Variants in ASTN2 observed in about 807,000 individuals in gnomAD.
ASTN2 encodes astrotactin-2.
ASTN2 carries 54 observed loss-of-function variants against 139.8 expected under a neutral mutation model. The observed-to-expected ratio is 0.39, with a 90% CI of 0.31 to 0.48. The LOEUF (loss-of-function observed/expected upper bound fraction) is 0.48, where lower values mean the gene tolerates loss of function less well. Among genes scored for constraint, ASTN2 ranks in the 20% least tolerant of loss-of-function variants. ASTN2 has a pLI of 0.95. For missense variants in ASTN2, 1,565 were observed against 1,725.1 expected (o/e 0.91, Z 1.64); for synonymous variants, 756 against 719.5 (o/e 1.05, Z -0.81).
At chr9:117,006,713 A>G (rs1275883765) in intron 7 of ASTN2, among the ~76,000 whole-genome samples, 2 of 152,128 alleles carry the variant, frequency 1.3e-5, no homozygotes, top group Non-Finnish European at 2.9e-5. Flanking sequence ...ATATTATAGT[A>G]TACAAGGCCC....
chr9:116,455,763 A>G lies in ASTN2; in HGVS notation c.3498-13210T>C, dbSNP rs146377617. Among the ~76,000 whole-genome samples the G allele has an allele frequency of 3.6e-4, 55 of 152,096 alleles. 2 individuals carry two copies. The East Asian group carries it at 9.8e-3, about 27-fold the overall frequency. ...AAAGTAAAAAAAAAATAGCATCCAGATAAGAAAAAAAAAAGTAATACAATC... is the reference window on the plus strand; with the variant it reads ...AAAGTAAAAAAAAAATAGCATCCAGGTAAGAAAAAAAAAAGTAATACAATC... On this transcript the variant is annotated intron_variant, in intron 20 of 22. Transcript: ENST00000313400.
intron 1 of ASTN2, among the ~76,000 whole-genome samples, chr9:117,412,823 T>C (rs1831205676): frequency 6.6e-6 from 1 of 151,892 alleles, no homozygotes; most frequent in African/African-American, 2.4e-5. Context: ...CACGGGGAGG[T>C]GGCAAGAGCC....
intron 16 of ASTN2, 136 bp from the exon 17 acceptor site, chr9:116,651,929 T>C: frequency 1.9e-6 from 2 of 1,073,694 alleles, no homozygotes; most frequent in Non-Finnish European, 2.6e-6. Flanking sequence ...GAGTGATTTA[T>C]TCATGATGCC....
chr9:117,000,600 G>T (rs1837167575), intron 7 of ASTN2, among the ~76,000 whole-genome samples: 3 of 152,286 alleles, frequency 2.0e-5, no homozygotes, highest in Admixed American at 2.0e-4. Context: ...TACTGGACCA[G>T]AGCAAGTAGT....
intron 13 of ASTN2, among the ~76,000 whole-genome samples, chr9:116,776,087 G>T (rs979587482): frequency 3.9e-5 from 6 of 152,150 alleles, no homozygotes; most frequent in African/African-American, 7.2e-5. Context: ...ACTAATCCTT[G>T]CATGGCTTGC....
At chr9:117,187,352 C>T (rs1831227149) in intron 3 of ASTN2, among the ~76,000 whole-genome samples, 1 of 151,912 alleles carries the variant, frequency 6.6e-6, no homozygotes, top group South Asian at 2.1e-4. Context: ...TGCAAAGGCC[C>T]TGAGATTGAT....
At position 117,045,553 on chromosome 9, in the gene ASTN2, G is replaced by C. The variant is rs550088647; in HGVS notation, c.1277-5588C>G. 2.0e-5 allele frequency among the ~76,000 whole-genome samples: 3 copies of C among 152,232 alleles called. No individual in the cohort carries two copies. In the South Asian group the frequency reaches 6.2e-4, roughly 32 times the overall value. On this transcript the variant is annotated intron_variant, in intron 5 of 22. Transcript: ENST00000313400. ...AGCAGAGAATGGCATAAAATGCATT[G>C]CTTAAGAAATTCGACCGGAAATAAC...
intron 7 of ASTN2, among the ~76,000 whole-genome samples, chr9:116,991,041 C>G (rs563918404): frequency 6.6e-6 from 1 of 152,110 alleles, no homozygotes; most frequent in Non-Finnish European, 1.5e-5. Context: ...CACATACTCC[C>G]ATTTTCTGGT....
At position 117,170,989 on chromosome 9, in the gene ASTN2, C is replaced by G. The variant is rs181193182; in HGVS notation, c.1016-29511G>C. Among the ~76,000 whole-genome samples the G allele has an allele frequency of 1.7e-3, 262 of 152,160 alleles. 4 individuals carry two copies. The highest frequency in any genetic ancestry group is 0.016 in the Admixed American group (243 of 15,278). ...CAGGGCAGCATGGTTCTAGGCTGGG[C>G]TCAAAGTTGCTGGGAACCGCATCAT... On this transcript the variant is annotated intron_variant, in intron 3 of 22. Coordinates refer to ENST00000313400, the MANE Select transcript of ASTN2 (RefSeq NM_001365068.1).
intron 2 of ASTN2, among the ~76,000 whole-genome samples, chr9:117,260,733 C>T (rs1470184246): frequency 6.6e-6 from 1 of 152,106 alleles, no homozygotes; most frequent in Admixed American, 6.6e-5. Context: ...GACCTGGAGC[C>T]ATCTATTTCT....
intron 3 of ASTN2, among the ~76,000 whole-genome samples, chr9:117,195,410 T>G (rs1235362399): frequency 6.6e-6 from 1 of 151,928 alleles, no homozygotes; most frequent in Non-Finnish European, 1.5e-5. Flanking sequence ...CAACTTTAAG[T>G]TGGGACTGTT....
In ASTN2 at chr9:116,539,382, AGG is replaced by A. The variant is rs140267314; in HGVS notation, c.3356-51884_3356-51883del. On this transcript the variant is annotated intron_variant, in intron 19 of 22. Coordinates refer to ENST00000313400, the MANE Select transcript of ASTN2 (RefSeq NM_001365068.1). Reference sequence around the variant, plus strand: ...AAGCTATTAAAAAAATCTATGAGGGAGGGAAAAAAAAAAGAAATGTAACATTA... The same window carrying A: ...AAGCTATTAAAAAAATCTATGAGGGAGAAAAAAAAAAGAAATGTAACATTA... Among the ~76,000 whole-genome samples the A allele has an allele frequency of 2.0e-5, 3 of 150,880 alleles. 1 individual carries two copies. Among genetic ancestry groups the A allele is most frequent in the African/African-American group, 7.3e-5 (3 of 40,932 alleles).
chr9:117,297,182 C>T (rs555870904), intron 1 of ASTN2, among the ~76,000 whole-genome samples: 1 of 152,352 alleles, frequency 6.6e-6, no homozygotes, highest in South Asian at 2.1e-4. Flanking sequence ...GCTGACCCTC[C>T]AGCAGATTAT....
chr9:116,908,934 C>T lies in ASTN2; in HGVS notation c.1890-45201G>A, dbSNP rs188830794. 3.9e-5 allele frequency among the ~76,000 whole-genome samples: 6 copies of T among 152,190 alleles called. No individual in the cohort carries two copies. The East Asian group carries it at 9.7e-4, about 25-fold the overall frequency. On this transcript the variant is annotated intron_variant, in intron 10 of 22. Transcript: ENST00000313400. ...GATGAGGAAATGGGAAAGGCAAAGG[C>T]CCTGAAGCAAAACTAAGCATGGAGT...
At chr9:116,705,626 A>G (rs779717793) in intron 16 of ASTN2, among the ~76,000 whole-genome samples, 1 of 152,228 alleles carries the variant, frequency 6.6e-6, no homozygotes, top group Non-Finnish European at 1.5e-5. Context: ...ACCCTTTATT[A>G]TTATTAGCAA....
intron 3 of ASTN2, among the ~76,000 whole-genome samples, chr9:117,194,547 ATGTGCAGGCTCACTG>A (rs1237823215): frequency 1.3e-5 from 2 of 152,202 alleles, no homozygotes; most frequent in African/African-American, 4.8e-5. Flanking sequence ...ACACGTGAAT[ATGTGCAGGCTCACTG>A]TATAAAACAT....
At chr9:117,381,417 G>T (rs963655428) in intron 1 of ASTN2, among the ~76,000 whole-genome samples, 1 of 152,122 alleles carries the variant, frequency 6.6e-6, no homozygotes, top group Non-Finnish European at 1.5e-5. Context: ...GGCCTGGTGG[G>T]AGGTCACAGA....
chr9:116,601,122 A>G (rs1854875115), intron 19 of ASTN2, among the ~76,000 whole-genome samples: 2 of 152,246 alleles, frequency 1.3e-5, no homozygotes. Flanking sequence ...CATGTAGTCA[A>G]CAAGAGGGCC....
chr9:117,214,856 GC>G, intron 2 of ASTN2, 114 bp from the exon 3 acceptor site: 1 of 1,211,524 alleles, frequency 8.3e-7, no homozygotes, highest in Non-Finnish European at 1.0e-6. Context: ...GGCTCATAGA[GC>G]CTCAGGAACC....
Sources: allele counts gnomAD v4.1 joint callset (sites outside exome capture counted in the v4.1 genomes callset), GRCh38; gene constraint gnomAD v4.1.1; transcripts MANE v1.5; gene names NCBI Gene and HGNC (gene_info 2026-07-23, HGNC 2026-07-21).